ZNRF1: variants seen among roughly 807,000 people sequenced by gnomAD.
ZNRF1 encodes the protein zinc and ring finger 1.
Under a neutral mutation model 18.4 loss-of-function variants are expected in ZNRF1, and 3 were observed. The observed-to-expected ratio is 0.16, with a 90% CI of 0.07 to 0.42. The LOEUF (loss-of-function observed/expected upper bound fraction) is 0.42, where lower values mean the gene tolerates loss of function less well. ZNRF1 is among the 10% of genes least tolerant of loss of function. The probability of loss-of-function intolerance (pLI) is 0.99; values close to 1 mark genes in which losing one functional copy is unlikely to be tolerated. For synonymous variants in ZNRF1, 157 were observed against 144.2 expected (o/e 1.09, Z -0.64); for missense variants, 310 against 329.8 (o/e 0.94, Z 0.47).
intron 1 of ZNRF1, 25 bp from the exon 2 acceptor site, chr16:75,093,547 T>A: frequency 6.3e-7 from 1 of 1,590,476 alleles, no homozygotes; most frequent in Non-Finnish European, 8.6e-7. Flanking sequence ...GAGAAAACAT[T>A]TCATCCCATT....
In ZNRF1 at chr16:75,086,623, G is replaced by C. The variant is rs562698252; in HGVS notation, c.425-6949G>C. On this transcript the variant is annotated intron_variant, in intron 1 of 4. Coordinates refer to ENST00000335325, the MANE Select transcript of ZNRF1 (RefSeq NM_032268.5). ...AAGAAAATCATCAGTGTTACCCCTT[G>C]ATCTTTTATTCATAATAAATCCCAT... is the stretch of plus-strand genomic sequence containing the variant. Among the ~76,000 whole-genome samples, 13 of 152,276 alleles carry C rather than the reference G, an allele frequency of 8.5e-5. No individual in the cohort carries two copies. In the South Asian group the frequency reaches 2.7e-3, roughly 32 times the overall value.
rs374903909 is a variant in ZNRF1, at chr16:75,032,337, G to T, written c.424+32242G>T. 3.9e-5 allele frequency among the ~76,000 whole-genome samples: 6 copies of T among 152,044 alleles called. No individual in the cohort carries two copies. The East Asian group carries it at 1.2e-3, about 29-fold the overall frequency. On this transcript the variant is annotated intron_variant, in intron 1 of 4. Coordinates refer to ENST00000335325, the MANE Select transcript of ZNRF1 (RefSeq NM_032268.5). ...TTGGCCAGGCTGGTCTTGAACTCCT[G>T]ACCTCAGGTGATCTGCCCACCTCAG...
At chr16:75,013,235 C>T (rs1243033258) in intron 1 of ZNRF1, among the ~76,000 whole-genome samples, 1 of 152,106 alleles carries the variant, frequency 6.6e-6, no homozygotes, top group Non-Finnish European at 1.5e-5. Flanking sequence ...GTGATGATCA[C>T]CTTTATAAAG....
At chr16:75,028,579 G>A (rs1051118988) in intron 1 of ZNRF1, among the ~76,000 whole-genome samples, 1 of 152,248 alleles carries the variant, frequency 6.6e-6, no homozygotes, top group African/African-American at 2.4e-5. Flanking sequence ...ATAGGCGTGA[G>A]CCTCTGTGCC....
chr16:75,038,295 A>G (rs1845769536), intron 1 of ZNRF1, among the ~76,000 whole-genome samples: 1 of 152,154 alleles, frequency 6.6e-6, no homozygotes, highest in Non-Finnish European at 1.5e-5. Flanking sequence ...CTTCATTCAC[A>G]CATCTGGCAA....
intron 1 of ZNRF1, among the ~76,000 whole-genome samples, chr16:75,033,690 G>T (rs112291697): frequency 0.01 from 1,576 of 152,110 alleles, 33 homozygotes; most frequent in African/African-American, 0.036. Context: ...GTTTCCCTCG[G>T]CCTCCCAAAG....
At chr16:75,054,743 C>G (rs1385421445) in intron 1 of ZNRF1, among the ~76,000 whole-genome samples, 1 of 152,242 alleles carries the variant, frequency 6.6e-6, no homozygotes, top group Non-Finnish European at 1.5e-5. Context: ...GATACTAATC[C>G]TCCTGGGAGA....
chr16:75,061,420 T>A (rs1423120527), intron 1 of ZNRF1, among the ~76,000 whole-genome samples: 4 of 152,188 alleles, frequency 2.6e-5, no homozygotes, highest in Non-Finnish European at 4.4e-5. Context: ...ATCTTTCTTT[T>A]CCTGGCTTAT....
In ZNRF1 at chr16:74,999,651, C is replaced by G; in HGVS notation, c.-21C>G. ...AGGGTCTCGGCCTCCAGGTTCCCGCCCCACCGGGGCCCGGGCGAGCATGGG... is the reference window on the plus strand; with the variant it reads ...AGGGTCTCGGCCTCCAGGTTCCCGCGCCACCGGGGCCCGGGCGAGCATGGG... On this transcript the variant is annotated 5_prime_UTR_variant, in exon 1 of 5. Coordinates refer to ENST00000335325, the MANE Select transcript of ZNRF1 (RefSeq NM_032268.5). 7.5e-7 allele frequency: 1 copy of G among 1,330,098 alleles called. No individual in the cohort carries two copies. Among genetic ancestry groups the G allele is most frequent in the East Asian group, 3.1e-5 (1 of 32,080 alleles). 82.4% of individuals were successfully genotyped at this position (1,330,098 alleles called of 1,614,324 possible).
At chr16:75,098,136 G>A (rs889477241) in intron 2 of ZNRF1, among the ~76,000 whole-genome samples, 2 of 152,226 alleles carry the variant, frequency 1.3e-5, no homozygotes, top group African/African-American at 4.8e-5. Flanking sequence ...ACAGGAGGGC[G>A]AGGAGGGGCA....
chr16:75,026,796 C>T (rs921076250), intron 1 of ZNRF1, among the ~76,000 whole-genome samples: 3 of 151,678 alleles, frequency 2.0e-5, no homozygotes, highest in East Asian at 1.9e-4. Context: ...ATTAGCCTGG[C>T]GTGGTGGTGC....
rs2036165968 is a variant in ZNRF1 at position 75,093,572 on chromosome 16, G to A, written c.425G>A (p.Gly142Asp). ...IAPRWFSSHS[G>D]FKCPICSKSV... ...TTCATCCCATTCTCCTCTCTTTCAG[G>A]TTTCAAGTGCCCCATTTGCTCCAAG... Residue 142 changes from glycine (G) to aspartate (D), a missense_variant and splice_region_variant, in exon 2 of 5, where the codon GGT becomes GAT. Physicochemically the swap from Gly to Asp is moderately conservative, Grantham distance 94. Transcript: ENST00000335325. 6.2e-7 allele frequency: 1 copy of A among 1,613,380 alleles called. No homozygotes were observed. The highest frequency in any genetic ancestry group is 8.5e-7 in the Non-Finnish European group (1 of 1,179,370).
At chr16:75,021,936 A>C (rs2035155087) in intron 1 of ZNRF1, among the ~76,000 whole-genome samples, 1 of 152,112 alleles carries the variant, frequency 6.6e-6, no homozygotes, top group Non-Finnish European at 1.5e-5. Flanking sequence ...CCTTTTGAAA[A>C]TCCTAGAAAT....
chr16:75,005,639 T>G (rs371138511), intron 1 of ZNRF1, among the ~76,000 whole-genome samples: 1 of 152,234 alleles, frequency 6.6e-6, no homozygotes, highest in African/African-American at 2.4e-5. Flanking sequence ...GTACCTCACC[T>G]GAACCCTATA....
At chr16:75,099,375 G>A (rs896197573) in intron 2 of ZNRF1, among the ~76,000 whole-genome samples, 6 of 152,200 alleles carry the variant, frequency 3.9e-5, no homozygotes, top group African/African-American at 1.2e-4. Flanking sequence ...GGGAGCAGAA[G>A]ATGCCACCGC....
At chr16:75,030,426 C>G (rs1256810131) in intron 1 of ZNRF1, among the ~76,000 whole-genome samples, 1 of 149,942 alleles carries the variant, frequency 6.7e-6, no homozygotes, top group Non-Finnish European at 1.5e-5. Context: ...TCTGCAGTAG[C>G]TGGAGGAAAA....
intron 1 of ZNRF1, among the ~76,000 whole-genome samples, chr16:75,055,140 A>T (rs1301404298): frequency 1.3e-5 from 2 of 152,210 alleles, no homozygotes; most frequent in Non-Finnish European, 2.9e-5. Context: ...TGCTGCATTG[A>T]TGCAGGGAGT....
At chr16:75,033,054 G>C (rs2035326909) in intron 1 of ZNRF1, among the ~76,000 whole-genome samples, 1 of 152,124 alleles carries the variant, frequency 6.6e-6, no homozygotes, top group Non-Finnish European at 1.5e-5. Context: ...AATACATGTA[G>C]AGTCTATTTC....
intron 1 of ZNRF1, among the ~76,000 whole-genome samples, chr16:75,075,032 G>A (rs1239531060): frequency 6.7e-6 from 1 of 149,296 alleles, no homozygotes; most frequent in Admixed American, 6.6e-5. Flanking sequence ...CCCTGCCTGG[G>A]GTCATAAGCC....
Sources: allele counts gnomAD v4.1 joint callset (sites outside exome capture counted in the v4.1 genomes callset), GRCh38; gene constraint gnomAD v4.1.1; transcripts MANE v1.5; gene names NCBI Gene and HGNC (gene_info 2026-07-23, HGNC 2026-07-21).